The following IL9 variants were observed in gnomAD, a reference collection of about 807,000 sequenced individuals.
IL9 encodes the protein interleukin 9, also known as interleukin-9.
In IL9, 16 loss-of-function variants were observed where a neutral mutation model predicts 12.9. That is an observed-to-expected ratio of 1.24 (90% CI 0.84 to 1.88). IL9 has a LOEUF of 1.88. Ranked by LOEUF, IL9 falls within the 40% of genes most tolerant of loss-of-function variation. The pLI, the probability that IL9 is intolerant of heterozygous loss-of-function variation, is 0.00. For missense variants in IL9, 170 were observed against 173.1 expected (o/e 0.98, Z 0.10); for synonymous variants, 69 against 63.8 (o/e 1.08, Z -0.39).
chr5:135,892,733 TACACACACACAC>T (rs59978451), intron 4 of IL9, among the ~76,000 whole-genome samples: 45 of 137,870 alleles, frequency 3.3e-4, no homozygotes, highest in East Asian at 2.9e-3. Context: ...CAGGGGTCTT[TACACACACACAC>T]ACACACACAC....
chr5:135,893,774 C>T (rs556317163), intron 4 of IL9, among the ~76,000 whole-genome samples: 1 of 152,340 alleles, frequency 6.6e-6, no homozygotes, highest in African/African-American at 2.4e-5. Context: ...AGGATTCTTT[C>T]ATTATTCCAT....
intron 3 of IL9, 81 bp downstream of exon 3, chr5:135,895,358 TA>T: frequency 2.7e-6 from 3 of 1,130,226 alleles, no homozygotes; most frequent in Non-Finnish European, 3.8e-6. Flanking sequence ...TAACATTAAA[TA>T]TTAAATAAAG....
At chr5:135,894,576 G>A (rs766963614) in intron 3 of IL9, among the ~76,000 whole-genome samples, 2 of 152,224 alleles carry the variant, frequency 1.3e-5, no homozygotes, top group East Asian at 1.9e-4. Flanking sequence ...TACTCCAAGG[G>A]ACAGGGGCTG....
At position 135,892,298 on chromosome 5, in the gene IL9, C is replaced by G. The variant is rs1762877926; in HGVS notation, c.*93G>C. ...GTTAAACAAATAATCACAACTGATA[C>G]TGATTTAGAGTAGCTTACTTGATTT... On this transcript the variant is annotated 3_prime_UTR_variant, in exon 5 of 5. Transcript: ENST00000274520. 1 of 922,454 alleles carries G rather than the reference C, an allele frequency of 1.1e-6. No homozygotes were observed. The highest frequency in any genetic ancestry group is 1.6e-6 in the Non-Finnish European group (1 of 626,730). 57.1% of individuals were successfully genotyped at this position (922,454 alleles called of 1,614,324 possible). A position where few individuals can be genotyped will look rare whatever the true frequency, so the allele number is the denominator to read the frequency against.
intron 3 of IL9, among the ~76,000 whole-genome samples, chr5:135,894,877 T>G (rs1164036982): frequency 5.3e-5 from 8 of 152,084 alleles, no homozygotes; most frequent in Non-Finnish European, 1.2e-4. Flanking sequence ...CCTCAGATCC[T>G]CTACCTGCCC....
Position 135,892,281 on chromosome 5 carries a change from A to C in IL9, c.*110T>G. 1.2e-6 allele frequency: 1 copy of C among 810,190 alleles called. No individual in the cohort carries two copies. Among genetic ancestry groups the C allele is most frequent in the Non-Finnish European group, 1.9e-6 (1 of 535,860 alleles). 50.2% of individuals were successfully genotyped at this position (810,190 alleles called of 1,614,324 possible). A position where few individuals can be genotyped will look rare whatever the true frequency, so the allele number is the denominator to read the frequency against. ...AAATAAAGACATACAATGTTAAACA[A>C]ATAATCACAACTGATACTGATTTAG... On this transcript the variant is annotated 3_prime_UTR_variant, in exon 5 of 5. Coordinates refer to ENST00000274520, the MANE Select transcript of IL9 (RefSeq NM_000590.2).
rs1487183412 is a variant in IL9, at chr5:135,894,109, T to C, written c.226A>G (p.Met76Val). 3 of 1,613,374 alleles carry C rather than the reference T, an allele frequency of 1.9e-6. No homozygotes were observed. In the Admixed American group the frequency reaches 5.0e-5, roughly 27 times the overall value. ...RPCFSERLSQ[M>V]TNTTMQTRYP... is the part of the protein sequence containing the mutation. The stretch of plus-strand genomic sequence containing the variant: ...CTTGTTTGCATGGTGGTATTGGTCA[T>C]CTGAGACAGTCTCTCACTGAAGCAT... The change falls in exon 4 of 5, where the codon ATG becomes GTG. Residue 76 changes from methionine to valine, a missense_variant. By Grantham distance (21) the Met-to-Val change is conservative (BLOSUM62 1). Transcript: ENST00000274520.
intron 1 of IL9, 30 bp from the exon 2 acceptor site, chr5:135,895,620 A>G (rs1326857539): frequency 8.7e-6 from 14 of 1,613,580 alleles, no homozygotes; most frequent in Non-Finnish European, 1.1e-5. Flanking sequence ...AAGAACCTTT[A>G]GTCAGCCCCG....
chr5:135,892,307 A>G lies in IL9; in HGVS notation c.*84T>C, dbSNP rs752848189. 9.9e-7 allele frequency: 1 copy of G among 1,005,684 alleles called. No homozygotes were observed. The highest frequency in any genetic ancestry group is 1.4e-6 in the Non-Finnish European group (1 of 690,822). The allele number at this position is 1,005,684 out of a possible 1,614,324, so 62.3% of individuals were successfully genotyped here. On this transcript the variant is annotated 3_prime_UTR_variant, in exon 5 of 5. Transcript: ENST00000274520. ...ATAATCACAACTGATACTGATTTAG[A>G]GTAGCTTACTTGATTTTTAAATTGT...
intron 4 of IL9, among the ~76,000 whole-genome samples, chr5:135,893,156 T>C (rs1437952282): frequency 6.6e-6 from 1 of 152,200 alleles, no homozygotes; most frequent in Non-Finnish European, 1.5e-5. Context: ...TGTGTGGAGA[T>C]GCTAATACCC....
At position 135,894,057 on chromosome 5, in the gene IL9, T is replaced by A; in HGVS notation, c.278A>T (p.Lys93Ile). 1 of 1,613,246 alleles carries A rather than the reference T, an allele frequency of 6.2e-7. No individual in the cohort carries two copies. Among genetic ancestry groups the A allele is most frequent in the Non-Finnish European group, 8.5e-7 (1 of 1,179,788 alleles). ...TRYPLIFSRVKKSVEVLKNNK... is the reference protein window; with the variant it reads ...TRYPLIFSRVIKSVEVLKNNK... ...GTTCTTTAGTACTTCAACTGATTTT[T>A]TCACCCGACTGAAAATCAGTGGGTA... is the stretch of plus-strand genomic sequence containing the variant. The change falls in exon 4 of 5, where the codon AAA becomes ATA. Residue 93 changes from lysine (K) to isoleucine (I), a missense_variant. By Grantham distance (102) the Lys-to-Ile change is moderately radical. Coordinates refer to ENST00000274520, the MANE Select transcript of IL9 (RefSeq NM_000590.2).
intron 4 of IL9, 133 bp from the exon 5 acceptor site, chr5:135,892,643 A>G (rs963148168): frequency 2.2e-5 from 21 of 975,912 alleles, no homozygotes; most frequent in Non-Finnish European, 3.2e-5. Flanking sequence ...GGCTTGAGAC[A>G]CAGAGCAAAT....
chr5:135,894,414 C>T (rs761950452), intron 3 of IL9, among the ~76,000 whole-genome samples: 3 of 152,146 alleles, frequency 2.0e-5, no homozygotes, highest in Admixed American at 1.3e-4. Context: ...CTGAAATAGT[C>T]GGCTCTGAAT....
At chr5:135,895,341 C>T in intron 3 of IL9, 99 bp downstream of exon 3, 1 of 937,678 alleles carries the variant, frequency 1.1e-6, no homozygotes, top group Non-Finnish European at 1.6e-6. Context: ...AATTAAGCAA[C>T]AATGTATAAC....
At position 135,895,475 on chromosome 5, in the gene IL9, G is replaced by T; in HGVS notation, c.151-3C>A. The T allele has an allele frequency of 6.2e-7, 1 of 1,613,878 alleles. No individual in the cohort carries two copies. Among genetic ancestry groups the T allele is most frequent in the Non-Finnish European group, 8.5e-7 (1 of 1,179,786 alleles). On this transcript the variant is annotated splice_polypyrimidine_tract_variant and splice_region_variant and intron_variant, in intron 2 of 4. Coordinates refer to ENST00000274520, the MANE Select transcript of IL9 (RefSeq NM_000590.2). The stretch of plus-strand genomic sequence containing the variant: ...CCCAAACAGAGACAACTGGTCACCT[G>T]CAAGGGAAATTTCAGAGTGAAGATT...
Position 135,892,518 on chromosome 5 carries a change from G to C in IL9, c.316-8C>G, listed in dbSNP as rs764314957. Reference sequence around the variant, plus strand: ...CTGTTCACAGGAAAAATACTGTGGGGATGAAAGTTGATAAGGACAGAGTGA... The same window carrying C: ...CTGTTCACAGGAAAAATACTGTGGGCATGAAAGTTGATAAGGACAGAGTGA... On this transcript the variant is annotated splice_polypyrimidine_tract_variant and splice_region_variant and intron_variant, in intron 4 of 4. Transcript: ENST00000274520. The C allele has an allele frequency of 1.2e-5, 19 of 1,609,582 alleles. No individual in the cohort carries two copies. In the South Asian group the frequency reaches 1.2e-4, roughly 10 times the overall value.
chr5:135,892,512 T>A lies in IL9; in HGVS notation c.316-2A>T, dbSNP rs1259248280. The A allele has an allele frequency of 3.7e-6, 6 of 1,610,846 alleles. No homozygotes were observed. Among genetic ancestry groups the A allele is most frequent in the Admixed American group, 1.7e-5 (1 of 59,384 alleles). On this transcript the variant is annotated splice_acceptor_variant, in intron 4 of 4. Transcript: ENST00000274520. LOFTEE classifies it high-confidence loss of function. ...GCATGGCTGTTCACAGGAAAAATAC[T>A]GTGGGGATGAAAGTTGATAAGGACA...
Position 135,895,431 on chromosome 5 carries a change from T to C in IL9, c.183+9A>G. 27 of 1,610,234 alleles carry C rather than the reference T, an allele frequency of 1.7e-5. No individual in the cohort carries two copies. The highest frequency in any genetic ancestry group is 2.3e-5 in the Non-Finnish European group (27 of 1,178,464). ...CAAGGTCAACATTATGTTATTTCACTATACTTACAGAGGGAATGCCCAAAC... is the reference window on the plus strand; with the variant it reads ...CAAGGTCAACATTATGTTATTTCACCATACTTACAGAGGGAATGCCCAAAC... On this transcript the variant is annotated intron_variant, in intron 3 of 4. Coordinates refer to ENST00000274520, the MANE Select transcript of IL9 (RefSeq NM_000590.2).
chr5:135,894,188 T>C (rs1762912702), intron 3 of IL9, 37 bp from the exon 4 acceptor site: 1 of 1,592,758 alleles, frequency 6.3e-7, no homozygotes, highest in Non-Finnish European at 8.6e-7. Flanking sequence ...AGAAATATTC[T>C]GAGGACAGCT....
Sources: gnomAD v4.1 joint callset for allele counts (sites outside exome capture counted in the v4.1 genomes callset) on GRCh38, gnomAD v4.1.1 for gene constraint, MANE v1.5 for transcripts, NCBI Gene and HGNC (gene_info 2026-07-23, HGNC 2026-07-21) for gene names.